Variants in PATJ observed in about 807,000 individuals in gnomAD.
The protein encoded by PATJ is PATJ crumbs cell polarity complex component, also known as inaD-like protein.
In PATJ, 190 loss-of-function variants were observed where a neutral mutation model predicts 224.9. That is an observed-to-expected ratio of 0.84 (90% CI 0.75 to 0.95). The LOEUF is 0.95. Among genes scored for constraint, PATJ ranks in the 40% least tolerant of loss-of-function variants. The pLI, the probability that PATJ is intolerant of heterozygous loss-of-function variation, is 0.00. For synonymous variants in PATJ, 769 were observed against 820.3 expected (o/e 0.94, Z 1.07); for missense variants, 2,121 against 2,270.3 (o/e 0.93, Z 1.34).
Position 61,996,038 on chromosome 1 carries a change from C to A in PATJ, c.3867+5674C>A, listed in dbSNP as rs1645333727. ...AGCTGTGTTTTGTCTGCCTCCCAAG[C>A]CTTTTGAGATAGAAGAAGTATGCAG... On this transcript the variant is annotated intron_variant, in intron 28 of 43. Transcript: ENST00000642238. Among the ~76,000 whole-genome samples, 3 of 152,138 alleles carry A rather than the reference C, an allele frequency of 2.0e-5. 1 individual carries two copies. The highest frequency in any genetic ancestry group is 6.5e-5 in the Admixed American group (1 of 15,270).
chr1:61,764,420 A>ATTT (rs59652657), intron 3 of PATJ, among the ~76,000 whole-genome samples: 39 of 147,758 alleles, frequency 2.6e-4, no homozygotes, highest in African/African-American at 9.2e-4. Flanking sequence ...CAGTTGTGGG[A>ATTT]TTTTTTTTTT....
chr1:62,135,842 C>G (rs1666801651), intron 41 of PATJ, among the ~76,000 whole-genome samples: 1 of 152,006 alleles, frequency 6.6e-6, no homozygotes, highest in East Asian at 1.9e-4. Context: ...TTTCATTGTA[C>G]TAACATAGGC....
At chr1:62,133,745 C>CTTTT (rs113938436) in intron 41 of PATJ, among the ~76,000 whole-genome samples, 6 of 121,174 alleles carry the variant, frequency 5.0e-5, no homozygotes, top group Non-Finnish European at 8.5e-5. Flanking sequence ...CAAGAATTTG[C>CTTTT]TTTTTTTTTT....
intron 7 of PATJ, among the ~76,000 whole-genome samples, chr1:61,786,114 C>G (rs1389206925): frequency 6.6e-6 from 1 of 152,200 alleles, no homozygotes; most frequent in Non-Finnish European, 1.5e-5. Context: ...CTCCGCCTCC[C>G]AGGTTCAAGT....
intron 28 of PATJ, among the ~76,000 whole-genome samples, chr1:62,012,488 A>G (rs1433365861): frequency 2.6e-5 from 4 of 152,062 alleles, no homozygotes; most frequent in South Asian, 2.1e-4. Flanking sequence ...TTTTTTGCCT[A>G]TATTATTTGG....
At chr1:62,055,744 CAATTACT>C (rs1456200017) in intron 31 of PATJ, among the ~76,000 whole-genome samples, 3 of 152,084 alleles carry the variant, frequency 2.0e-5, no homozygotes, top group Non-Finnish European at 4.4e-5. Flanking sequence ...CTGAAAAGCA[CAATTACT>C]AATGTATTAG....
intron 27 of PATJ, among the ~76,000 whole-genome samples, chr1:61,934,279 C>CG (rs1173544323): frequency 6.6e-6 from 1 of 152,100 alleles, no homozygotes; most frequent in Non-Finnish European, 1.5e-5. Flanking sequence ...CCACCACGCC[C>CG]GGCTAATTTT....
At chr1:61,963,341 T>G (rs1681593025) in intron 27 of PATJ, among the ~76,000 whole-genome samples, 1 of 152,074 alleles carries the variant, frequency 6.6e-6, no homozygotes, top group Admixed American at 6.5e-5. Context: ...ACACCTGTAA[T>G]CCCAGCATTT....
chr1:61,871,509 ACGCATATATATAAATATGTGTGTGTG>A (rs1666560698), intron 20 of PATJ, among the ~76,000 whole-genome samples: 1 of 41,596 alleles, frequency 2.4e-5, no homozygotes, highest in Non-Finnish European at 6.2e-5. Context: ...ATACATATAT[ACGCATATATATAAATATGTGTGTGTG>A]TGTGTATATA....
At chr1:62,057,371 G>A (rs768368413) in intron 31 of PATJ, among the ~76,000 whole-genome samples, 1 of 152,194 alleles carries the variant, frequency 6.6e-6, no homozygotes, top group Non-Finnish European at 1.5e-5. Context: ...AAGCGAAATT[G>A]GAGTGATCAG....
At chr1:61,963,188 TA>T (rs1681565541) in intron 27 of PATJ, among the ~76,000 whole-genome samples, 1 of 152,226 alleles carries the variant, frequency 6.6e-6, no homozygotes, top group South Asian at 2.1e-4. Flanking sequence ...CCCAAAACTT[TA>T]CTAATAGCCT....
intron 40 of PATJ, 148 bp from the exon 41 acceptor site, chr1:62,128,693 T>G: frequency 1.8e-6 from 1 of 568,322 alleles, no homozygotes; most frequent in East Asian, 2.8e-5. Flanking sequence ...AAATTCCTCA[T>G]GCTTCTTGAA....
chr1:61,991,426 A>T (rs1323772527), intron 28 of PATJ: 76 of 872,348 alleles, frequency 8.7e-5, no homozygotes, highest in Non-Finnish European at 9.9e-5. Context: ...TGAGTGTTAG[A>T]CTGCTTACTT....
intron 14 of PATJ, among the ~76,000 whole-genome samples, chr1:61,813,702 A>C (rs927144338): frequency 3.9e-5 from 6 of 152,108 alleles, no homozygotes; most frequent in Non-Finnish European, 8.8e-5. Context: ...ATATTAAGGC[A>C]GGGAACATAG....
intron 14 of PATJ, among the ~76,000 whole-genome samples, chr1:61,821,640 G>C (rs1441224783): frequency 6.6e-6 from 1 of 152,190 alleles, no homozygotes; most frequent in Non-Finnish European, 1.5e-5. Flanking sequence ...CTCAGGGATA[G>C]AAGATCACAG....
At chr1:62,081,578 T>C (rs1205285839) in intron 32 of PATJ, among the ~76,000 whole-genome samples, 1 of 152,198 alleles carries the variant, frequency 6.6e-6, no homozygotes. Context: ...TATCTATTTA[T>C]TTATTTGAGA....
In PATJ at chr1:62,121,168, GTCTT is replaced by G. The variant is rs1305808691; in HGVS notation, c.4891-6_4891-3del. 6 of 1,586,148 alleles carry G rather than the reference GTCTT, an allele frequency of 3.8e-6. No individual in the cohort carries two copies. Among genetic ancestry groups the G allele is most frequent in the Admixed American group, 3.4e-5 (2 of 58,944 alleles). On this transcript the variant is annotated splice_polypyrimidine_tract_variant and intron_variant, in intron 37 of 43. Coordinates refer to ENST00000642238, the MANE Select transcript of PATJ (RefSeq NM_001350145.3). ...GTGTCTGCACACAGGTGACCCCTGG[GTCTT>G]TCTTTCAGGGTAGTCAGCAGAGTGC...
chr1:62,071,249 T>C (rs1252987653), intron 31 of PATJ, among the ~76,000 whole-genome samples: 1 of 152,312 alleles, frequency 6.6e-6, no homozygotes, highest in East Asian at 1.9e-4. Context: ...GGCTCTGCAC[T>C]AGTCCCCTGT....
chr1:62,105,511 A>C (rs1034750336), intron 33 of PATJ, among the ~76,000 whole-genome samples: 2 of 152,168 alleles, frequency 1.3e-5, no homozygotes, highest in African/African-American at 4.8e-5. Context: ...GGATCTCATT[A>C]GTGTCGCAGG....
Sources: allele counts gnomAD v4.1 joint callset (sites outside exome capture counted in the v4.1 genomes callset), GRCh38; gene constraint gnomAD v4.1.1; transcripts MANE v1.5; gene names NCBI Gene and HGNC (gene_info 2026-07-23, HGNC 2026-07-21).